The following BNC2 variants were observed in gnomAD, a reference collection of about 807,000 sequenced individuals.
BNC2 encodes the protein basonuclin zinc finger protein 2.
A neutral mutation model predicts 76.3 loss-of-function variants in BNC2; 20 were observed. The ratio of observed to expected loss-of-function variants is 0.26; its 90% CI spans 0.18 to 0.38. The LOEUF (loss-of-function observed/expected upper bound fraction) is 0.38, where lower values mean the gene tolerates loss of function less well. Among genes scored for constraint, BNC2 ranks in the 10% least tolerant of loss-of-function variants. The pLI is 1.00. For synonymous variants in BNC2, 582 were observed against 514.8 expected (o/e 1.13, Z -1.77); for missense variants, 1,382 against 1,399.8 (o/e 0.99, Z 0.20).
At chr9:16,428,088 T>G (rs1820834896) in intron 6 of BNC2, among the ~76,000 whole-genome samples, 1 of 152,198 alleles carries the variant, frequency 6.6e-6, no homozygotes, top group East Asian at 1.9e-4. Context: ...CTTGGAGTGC[T>G]AATGTCAAGT....
chr9:16,679,981 T>C (rs1300676761), intron 3 of BNC2, among the ~76,000 whole-genome samples: 2 of 152,216 alleles, frequency 1.3e-5, no homozygotes, highest in Non-Finnish European at 2.9e-5. Context: ...TGGTTCTTAG[T>C]AATTTTGTTT....
chr9:16,689,203 T>G (rs1162561523), intron 3 of BNC2, among the ~76,000 whole-genome samples: 1 of 148,592 alleles, frequency 6.7e-6, no homozygotes, highest in African/African-American at 2.5e-5. Context: ...GGGACCAGAC[T>G]TCTGAAAAGA....
intron 2 of BNC2, among the ~76,000 whole-genome samples, chr9:16,730,414 C>T (rs192405271): frequency 6.6e-6 from 1 of 152,180 alleles, no homozygotes; most frequent in African/African-American, 2.4e-5. Flanking sequence ...AATTTGGAGA[C>T]CCTGCTGTGA....
At chr9:16,524,377 A>G (rs2132119529) in intron 5 of BNC2, among the ~76,000 whole-genome samples, 1 of 152,274 alleles carries the variant, frequency 6.6e-6, no homozygotes. Flanking sequence ...CTAGGTGGTA[A>G]GGAGACGCCA....
intron 1 of BNC2, among the ~76,000 whole-genome samples, chr9:16,764,132 T>A (rs554184327): frequency 1.3e-5 from 2 of 152,302 alleles, no homozygotes; most frequent in East Asian, 3.9e-4. Flanking sequence ...GAACTTTAAT[T>A]TTTTTGGCCC....
rs549504353 is a variant in BNC2 at position 16,629,326 on chromosome 9, G to A, written c.331-46241C>T. Reference sequence around the variant, plus strand: ...TTTTCGTTTTGAATGAGCTATCAATGTAATACTCAAAAAATGGCCAGAAGA... The same window carrying A: ...TTTTCGTTTTGAATGAGCTATCAATATAATACTCAAAAAATGGCCAGAAGA... On this transcript the variant is annotated intron_variant, in intron 3 of 6. Transcript: ENST00000380672. Among the ~76,000 whole-genome samples the A allele has an allele frequency of 3.6e-4, 55 of 152,250 alleles. No individual in the cohort carries two copies. The South Asian group carries it at 4.1e-3, about 11-fold the overall frequency.
intron 1 of BNC2, among the ~76,000 whole-genome samples, chr9:16,849,680 C>T (rs932946050): frequency 6.6e-6 from 1 of 151,988 alleles, no homozygotes; most frequent in Non-Finnish European, 1.5e-5. Flanking sequence ...TTGCATTTTA[C>T]GCTGTGGAGA....
At chr9:16,858,900 A>ATTT (rs1819328788) in intron 1 of BNC2, among the ~76,000 whole-genome samples, 1 of 152,138 alleles carries the variant, frequency 6.6e-6, no homozygotes, top group African/African-American at 2.4e-5. Context: ...AGCAAAGGAA[A>ATTT]CAATCAGCAG....
intron 2 of BNC2, among the ~76,000 whole-genome samples, chr9:16,732,517 A>G (rs1327247596): frequency 1.3e-5 from 2 of 152,220 alleles, no homozygotes; most frequent in Non-Finnish European, 2.9e-5. Context: ...AATATAAAAT[A>G]AATGTGTAGT....
At chr9:16,807,913 T>A (rs772491295) in intron 1 of BNC2, among the ~76,000 whole-genome samples, 2 of 152,118 alleles carry the variant, frequency 1.3e-5, no homozygotes, top group Non-Finnish European at 2.9e-5. Context: ...ATATACTTTG[T>A]AGAATAAAAG....
chr9:16,643,852 A>T (rs1293231120), intron 3 of BNC2, among the ~76,000 whole-genome samples: 1 of 152,182 alleles, frequency 6.6e-6, no homozygotes, highest in Non-Finnish European at 1.5e-5. Context: ...AGAAATCTTC[A>T]AACAGCTGTC....
intron 3 of BNC2, among the ~76,000 whole-genome samples, chr9:16,594,736 T>C (rs1820019286): frequency 6.6e-6 from 1 of 152,096 alleles, no homozygotes; most frequent in Non-Finnish European, 1.5e-5. Context: ...TTAGAGATTT[T>C]TTCAAACAGC....
intron 6 of BNC2, among the ~76,000 whole-genome samples, chr9:16,427,802 C>G (rs1159843876): frequency 6.6e-6 from 1 of 152,178 alleles, no homozygotes; most frequent in East Asian, 1.9e-4. Flanking sequence ...TTTACCTACC[C>G]TCTCTTCACT....
intron 3 of BNC2, among the ~76,000 whole-genome samples, chr9:16,630,269 T>G (rs771214194): frequency 8.5e-5 from 13 of 152,222 alleles, no homozygotes; most frequent in Non-Finnish European, 1.5e-4. Flanking sequence ...AATACTAGTC[T>G]AAGTGGGAAA....
chr9:16,826,443 C>A (rs1818456128), intron 1 of BNC2, among the ~76,000 whole-genome samples: 1 of 152,132 alleles, frequency 6.6e-6, no homozygotes. Context: ...GCGATTATCA[C>A]TGCCATACGG....
At position 16,726,563 on chromosome 9, in the gene BNC2, A is replaced by ATT. The variant is rs1824328543; in HGVS notation, c.330+1233_330+1234insAA. 4.8e-4 allele frequency among the ~76,000 whole-genome samples: 46 copies of ATT among 95,620 alleles called. No individual in the cohort carries two copies. In the South Asian group the frequency reaches 0.017, roughly 36 times the overall value. 62.7% of individuals were successfully genotyped at this position (95,620 alleles called of 152,430 possible). On this transcript the variant is annotated intron_variant, in intron 3 of 6. Coordinates refer to ENST00000380672, the MANE Select transcript of BNC2 (RefSeq NM_017637.6). ...CTCTTACAAACAAAAGCTTTTTAAAAAAAAAAAAAAAAAAAGCAGTTGCAG... is the reference window on the plus strand; with the variant it reads ...CTCTTACAAACAAAAGCTTTTTAAAATTAAAAAAAAAAAAAAAGCAGTTGCAG...
chr9:16,540,186 T>A (rs1238836473), intron 5 of BNC2, among the ~76,000 whole-genome samples: 1 of 145,992 alleles, frequency 6.8e-6, no homozygotes, highest in African/African-American at 2.5e-5. Flanking sequence ...TTTTGGTAAC[T>A]GCAAGACACA....
chr9:16,811,690 T>C (rs1818059824), intron 1 of BNC2, among the ~76,000 whole-genome samples: 1 of 152,090 alleles, frequency 6.6e-6, no homozygotes, highest in Admixed American at 6.6e-5. Flanking sequence ...GTGCAAACCT[T>C]TCTGCAAAAT....
chr9:16,860,773 T>G (rs942976687), intron 1 of BNC2, among the ~76,000 whole-genome samples: 33 of 152,322 alleles, frequency 2.2e-4, no homozygotes, highest in African/African-American at 7.9e-4. Context: ...CTGGGCGTGG[T>G]GGCTCATGCC....
Sources: gnomAD v4.1 joint callset for allele counts (sites outside exome capture counted in the v4.1 genomes callset) on GRCh38, gnomAD v4.1.1 for gene constraint, MANE v1.5 for transcripts, NCBI Gene and HGNC (gene_info 2026-07-23, HGNC 2026-07-21) for gene names.